The following FANCB variants were observed in gnomAD, a reference collection of about 807,000 sequenced individuals.
FANCB encodes FA complementation group B.
FANCB carries 5 observed loss-of-function variants against 38.9 expected under a neutral mutation model. That is an observed-to-expected ratio of 0.13 (90% CI 0.07 to 0.27). The LOEUF is 0.27. Among genes scored for constraint, FANCB ranks in the 10% least tolerant of loss-of-function variants. The probability of loss-of-function intolerance (pLI) is 1.00; values close to 1 mark genes in which losing one functional copy is unlikely to be tolerated. For missense variants in FANCB, 573 were observed against 602.7 expected, an observed-to-expected ratio of 0.95 and a Z score of 0.52; for synonymous variants, 236 against 215.4, an observed-to-expected ratio of 1.10 and a Z score of -0.84.
In FANCB at chrX:14,855,981, C is replaced by A. The variant is rs1372487250; in HGVS notation, c.1197+1881G>T. Among the ~76,000 whole-genome samples, 10 of 112,270 alleles carry A rather than the reference C, an allele frequency of 8.9e-5. No individual in the cohort carries two copies. In the Admixed American group the frequency reaches 9.4e-4, roughly 11 times the overall value. On this transcript the variant is annotated intron_variant, in intron 5 of 9. Transcript: ENST00000650831. ...TGTTTTTAAAGGAGACTTCATCTAT[C>A]ATTTTCAGTTTTAATCAGGAGAGTT... is the stretch of plus-strand genomic sequence containing the variant.
At chrX:14,697,117 A>G in the FANCB span, among the ~76,000 whole-genome samples, 1 of 111,334 alleles carries the variant, frequency 9.0e-6, no homozygotes, top group African/African-American at 3.3e-5. Context: ...AACAAGAGCT[A>G]ACATTTATTG....
At chrX:14,732,103 C>T in the FANCB span, among the ~76,000 whole-genome samples, 3 of 109,289 alleles carry the variant, frequency 2.7e-5, no homozygotes, top group East Asian at 2.9e-4. Context: ...TCTCATTGTT[C>T]GACTCCCACT....
At chrX:14,835,301 C>T (rs1042478794), downstream of FANCB, 22 of 497,653 alleles carry the variant, frequency 4.4e-5, no homozygotes, top group Non-Finnish European at 7.6e-5. Flanking sequence ...GGCTCATGTC[C>T]ATGTCCATCG....
At chrX:14,777,664 C>A in the FANCB span, among the ~76,000 whole-genome samples, 1 of 112,139 alleles carries the variant, frequency 8.9e-6, no homozygotes, top group Non-Finnish European at 1.9e-5. Flanking sequence ...GAAATATTCA[C>A]TCCTAAATAT....
Position 14,843,995 on chromosome X carries a change from A to G in FANCB, c.2166-14T>C, listed in dbSNP as rs761121974. 16 of 1,194,523 alleles carry G rather than the reference A, an allele frequency of 1.3e-5. No homozygotes were observed. Among genetic ancestry groups the G allele is most frequent in the Non-Finnish European group, 1.8e-5 (16 of 881,432 alleles). On this transcript the variant is annotated splice_polypyrimidine_tract_variant and intron_variant, in intron 9 of 9. Coordinates refer to ENST00000650831, the MANE Select transcript of FANCB (RefSeq NM_001018113.3). ...ACTGTTTGATTCCTAAAATAAAAAA[A>G]CAAACAAAATATTACAAAAATTAGG...
the FANCB span, among the ~76,000 whole-genome samples, chrX:14,697,210 T>A: frequency 8.9e-6 from 1 of 112,350 alleles, no homozygotes; most frequent in Non-Finnish European, 1.9e-5. Flanking sequence ...GTGTGAGTAA[T>A]GCAATCATAC....
chrX:14,798,688 CT>C, the FANCB span, among the ~76,000 whole-genome samples: 2 of 111,902 alleles, frequency 1.8e-5, no homozygotes, highest in Non-Finnish European at 3.8e-5. Context: ...GGATCAGATG[CT>C]TGATAATTCA....
chrX:14,775,549 G>C, the FANCB span, among the ~76,000 whole-genome samples: 2 of 111,484 alleles, frequency 1.8e-5, no homozygotes, highest in African/African-American at 6.5e-5. Context: ...TCACAGCCCA[G>C]TGAAGTCTCA....
chrX:14,811,601 C>G, the FANCB span, among the ~76,000 whole-genome samples: 1 of 111,917 alleles, frequency 8.9e-6, no homozygotes, highest in East Asian at 2.8e-4. Context: ...GGGATCAATT[C>G]AACAAGAAGA....
At chrX:14,725,835 G>T in the FANCB span, among the ~76,000 whole-genome samples, 5 of 112,197 alleles carry the variant, frequency 4.5e-5, no homozygotes, top group Admixed American at 4.7e-4. Context: ...CAGTGCCATG[G>T]CAGTGCTTTA....
the FANCB span, among the ~76,000 whole-genome samples, chrX:14,807,487 G>A: frequency 8.9e-6 from 1 of 112,234 alleles, no homozygotes; most frequent in South Asian, 3.7e-4. Context: ...GATGTATTAC[G>A]ATAAGTTAGG....
chrX:14,867,780 A>T (rs1474247846), intron 2 of FANCB, among the ~76,000 whole-genome samples: 1 of 110,766 alleles, frequency 9.0e-6, no homozygotes, highest in African/African-American at 3.3e-5. Context: ...AAAAAAAAGT[A>T]AAGAGACAAC....
At chrX:14,742,886 C>T in the FANCB span, among the ~76,000 whole-genome samples, 8 of 112,835 alleles carry the variant, frequency 7.1e-5, no homozygotes, top group African/African-American at 2.6e-4. Context: ...ATAAGCAGGG[C>T]TTTTGCTACA....
At chrX:14,810,235 T>TG in the FANCB span, among the ~76,000 whole-genome samples, 2 of 111,581 alleles carry the variant, frequency 1.8e-5, no homozygotes, top group African/African-American at 6.5e-5. Context: ...GCAGGAAAAC[T>TG]GGAAACTCTA....
chrX:14,798,336 G>C, the FANCB span, among the ~76,000 whole-genome samples: 1 of 109,922 alleles, frequency 9.1e-6, no homozygotes, highest in African/African-American at 3.3e-5. Context: ...CTAATTTTTT[G>C]TATTTTTAGT....
the FANCB span, among the ~76,000 whole-genome samples, chrX:14,823,132 G>C: frequency 0.02 from 1,921 of 95,203 alleles, 58 homozygotes; most frequent in African/African-American, 0.073. Context: ...GCCCAGGCTG[G>C]AGTGCAGTGG....
chrX:14,714,704 CAT>C, the FANCB span, among the ~76,000 whole-genome samples: 2 of 112,277 alleles, frequency 1.8e-5, no homozygotes, highest in East Asian at 2.8e-4. Context: ...GTAAAAATAA[CAT>C]GTGTGATCAA....
the FANCB span, among the ~76,000 whole-genome samples, chrX:14,728,703 G>A: frequency 8.9e-6 from 1 of 112,225 alleles, no homozygotes; most frequent in African/African-American, 3.2e-5. Context: ...CAAGGACTGC[G>A]TTGAACTCTT....
rs760500278 is a variant in FANCB, at chrX:14,859,386, GAAAT to G, written c.952-56_952-53del. The stretch of plus-strand genomic sequence containing the variant: ...GAGTAGACAAGAAAAAATCGAATGT[GAAAT>G]AAATAAATTAAGTCCTTTTGTTTCA... On this transcript the variant is annotated intron_variant, in intron 3 of 9. Coordinates refer to ENST00000650831, the MANE Select transcript of FANCB (RefSeq NM_001018113.3). 13 of 913,219 alleles carry G rather than the reference GAAAT, an allele frequency of 1.4e-5. No homozygotes were observed. The East Asian group carries it at 1.9e-4, about 13-fold the overall frequency. 75.3% of individuals were successfully genotyped at this position (913,219 alleles called of 1,213,427 possible). A position where few individuals can be genotyped will look rare whatever the true frequency, so the allele number is the denominator to read the frequency against.
Sources: allele counts gnomAD v4.1 joint callset (sites outside exome capture counted in the v4.1 genomes callset), GRCh38; gene constraint gnomAD v4.1.1; transcripts MANE v1.5; gene names NCBI Gene and HGNC (gene_info 2026-07-23, HGNC 2026-07-21).